The following CTNNA3 variants were observed in gnomAD, a reference collection of about 807,000 sequenced individuals.
The protein encoded by CTNNA3 is catenin alpha 3.
CTNNA3 carries 76 observed loss-of-function variants against 95.7 expected under a neutral mutation model. The observed-to-expected ratio is 0.79, with a 90% CI of 0.66 to 0.96. CTNNA3 has a LOEUF of 0.96. Ranked by LOEUF, CTNNA3 falls within the 40% of genes least tolerant of loss-of-function variation. CTNNA3 has a pLI of 0.00. For missense variants in CTNNA3, 1,191 were observed against 1,089.8 expected (o/e 1.09, Z -1.31); for synonymous variants, 431 against 374.4 (o/e 1.15, Z -1.74).
chr10:66,635,715 C>A (rs12246389), intron 9 of CTNNA3, among the ~76,000 whole-genome samples: 1 of 152,068 alleles, frequency 6.6e-6, no homozygotes, highest in South Asian at 2.1e-4. Flanking sequence ...TAACTAATCA[C>A]GAAATACACA....
intron 12 of CTNNA3, among the ~76,000 whole-genome samples, chr10:66,367,872 A>T (rs1366212287): frequency 8.2e-4 from 15 of 18,272 alleles, no homozygotes; most frequent in African/African-American, 2.5e-3. Context: ...AATAATAATA[A>T]TAATAATAAT....
chr10:66,845,731 T>TAAAAAAAAAAAAAAAAA (rs1304034179), intron 7 of CTNNA3, among the ~76,000 whole-genome samples: 8 of 35,908 alleles, frequency 2.2e-4, no homozygotes, highest in African/African-American at 4.0e-4. Flanking sequence ...AAAAAAAAAC[T>TAAAAAAAAAAAAAAAAA]AAAAAGGTGA....
intron 7 of CTNNA3, among the ~76,000 whole-genome samples, chr10:67,005,199 T>C (rs925030301): frequency 2.4e-4 from 36 of 152,080 alleles, no homozygotes; most frequent in Admixed American, 6.6e-4. Flanking sequence ...TTAAAGAAAA[T>C]GATTTCCAAA....
At chr10:66,473,968 A>G (rs575194180) in intron 11 of CTNNA3, among the ~76,000 whole-genome samples, 1 of 152,242 alleles carries the variant, frequency 6.6e-6, no homozygotes, top group African/African-American at 2.4e-5. Flanking sequence ...TAGTGCCACA[A>G]TAAACATACG....
At chr10:67,605,911 T>C (rs1477917879) in intron 3 of CTNNA3, among the ~76,000 whole-genome samples, 1 of 152,228 alleles carries the variant, frequency 6.6e-6, no homozygotes, top group African/African-American at 2.4e-5. Context: ...CCTCAGGCAA[T>C]CCACCTGCCT....
intron 2 of CTNNA3, among the ~76,000 whole-genome samples, chr10:67,638,791 A>C (rs986817625): frequency 2.0e-5 from 3 of 152,204 alleles, no homozygotes; most frequent in African/African-American, 7.2e-5. Context: ...GGCAGAAATA[A>C]AGATGTTCTT....
intron 17 of CTNNA3, among the ~76,000 whole-genome samples, chr10:65,964,563 A>G (rs2077918056): frequency 6.6e-6 from 1 of 152,202 alleles, no homozygotes; most frequent in Non-Finnish European, 1.5e-5. Flanking sequence ...GTATTTTGGA[A>G]GGATAATTAA....
intron 7 of CTNNA3, among the ~76,000 whole-genome samples, chr10:67,084,796 C>T (rs1256214240): frequency 4.6e-5 from 7 of 152,012 alleles, no homozygotes; most frequent in Middle Eastern, 3.4e-3. Flanking sequence ...GCCTAGACTA[C>T]GTTTATAAAT....
intron 1 of CTNNA3, among the ~76,000 whole-genome samples, chr10:67,735,146 A>AACAC (rs200624685): frequency 1.6e-3 from 137 of 85,870 alleles, no homozygotes; most frequent in Non-Finnish European, 2.0e-3. Flanking sequence ...CACACACACA[A>AACAC]ACACACACAC....
At chr10:67,078,563 C>G (rs954161311) in intron 7 of CTNNA3, among the ~76,000 whole-genome samples, 7 of 152,028 alleles carry the variant, frequency 4.6e-5, no homozygotes, top group African/African-American at 1.5e-4. Flanking sequence ...GTCGCCCAGG[C>G]TGGAGTGCAG....
At chr10:66,860,057 C>A (rs1476879534) in intron 7 of CTNNA3, among the ~76,000 whole-genome samples, 1 of 138,356 alleles carries the variant, frequency 7.2e-6, no homozygotes, top group Non-Finnish European at 1.6e-5. Context: ...AGGAGATATA[C>A]CTAATGCTAA....
chr10:67,157,108 G>A (rs1861345763), intron 7 of CTNNA3, among the ~76,000 whole-genome samples: 1 of 151,964 alleles, frequency 6.6e-6, no homozygotes, highest in Non-Finnish European at 1.5e-5. Context: ...AGAGCAATTA[G>A]GCAAGAAAAA....
At chr10:66,111,198 T>C (rs1354036071) in intron 13 of CTNNA3, among the ~76,000 whole-genome samples, 1 of 152,086 alleles carries the variant, frequency 6.6e-6, no homozygotes, top group Non-Finnish European at 1.5e-5. Context: ...TGAGATCTAT[T>C]TAAAAGTGTG....
At chr10:66,446,656 G>A (rs549090270) in intron 11 of CTNNA3, among the ~76,000 whole-genome samples, 15 of 152,178 alleles carry the variant, frequency 9.9e-5, no homozygotes, top group East Asian at 1.9e-4. Context: ...AATAAATTAC[G>A]TATTGATGGG....
intron 10 of CTNNA3, among the ~76,000 whole-genome samples, chr10:66,609,318 C>T (rs1285440808): frequency 6.7e-6 from 1 of 149,294 alleles, no homozygotes; most frequent in African/African-American, 2.5e-5. Flanking sequence ...CCTCCTCAGC[C>T]TCCCAAAGTG....
intron 11 of CTNNA3, among the ~76,000 whole-genome samples, chr10:66,487,670 GAATA>G (rs1341084989): frequency 2.0e-5 from 3 of 151,972 alleles, no homozygotes; most frequent in Non-Finnish European, 4.4e-5. Context: ...TTTAAATCCT[GAATA>G]TATACAATTT....
chr10:66,621,639 G>A, intron 10 of CTNNA3, 53 bp downstream of exon 10: 1 of 1,029,030 alleles, frequency 9.7e-7, no homozygotes, highest in South Asian at 1.5e-5. Context: ...ATGCATAAAA[G>A]CATTAGGAAT....
intron 10 of CTNNA3, among the ~76,000 whole-genome samples, chr10:66,526,388 T>C (rs1441020115): frequency 1.3e-5 from 2 of 152,126 alleles, no homozygotes; most frequent in Non-Finnish European, 2.9e-5. Flanking sequence ...GGTTTCGTCA[T>C]GTTGCCCAGG....
chr10:66,575,479 C>G (rs1269037277), intron 10 of CTNNA3, among the ~76,000 whole-genome samples: 1 of 152,098 alleles, frequency 6.6e-6, no homozygotes, highest in Non-Finnish European at 1.5e-5. Context: ...GAAAATGATA[C>G]TTGCAATTTT....
Sources: gnomAD v4.1 joint callset for allele counts (sites outside exome capture counted in the v4.1 genomes callset) on GRCh38, gnomAD v4.1.1 for gene constraint, MANE v1.5 for transcripts, NCBI Gene and HGNC (gene_info 2026-07-23, HGNC 2026-07-21) for gene names.